The following KIF5C variants were observed in gnomAD, a reference collection of about 807,000 sequenced individuals.
KIF5C encodes the protein kinesin family member 5C.
A neutral mutation model predicts 125.2 loss-of-function variants in KIF5C; 18 were observed. That is an observed-to-expected ratio of 0.14 (90% CI 0.10 to 0.21). KIF5C has a LOEUF of 0.21. Ranked by LOEUF, KIF5C falls within the 10% of genes least tolerant of loss-of-function variation. The pLI, the probability that KIF5C is intolerant of heterozygous loss-of-function variation, is 1.00. For synonymous variants in KIF5C, 405 were observed against 434.0 expected (o/e 0.93, Z 0.83); for missense variants, 780 against 1,183.8 (o/e 0.66, Z 5.01).
At position 148,999,450 on chromosome 2, in the gene KIF5C, A is replaced by G. The variant is rs551058510; in HGVS notation, c.2210+941A>G. Among the ~76,000 whole-genome samples, 28 of 152,306 alleles carry G rather than the reference A, an allele frequency of 1.8e-4. No homozygotes were observed. In the South Asian group the frequency reaches 5.8e-3, roughly 32 times the overall value. ...TGTGTGTGAGCCGCTCGAAAGGTGCATTTGCATTTTAAAAGAGGAGAATGG... is the reference window on the plus strand; with the variant it reads ...TGTGTGTGAGCCGCTCGAAAGGTGCGTTTGCATTTTAAAAGAGGAGAATGG... On this transcript the variant is annotated intron_variant, in intron 19 of 25. Coordinates refer to ENST00000435030, the MANE Select transcript of KIF5C (RefSeq NM_004522.3).
chr2:148,957,959 C>T (rs1421540606), intron 10 of KIF5C, among the ~76,000 whole-genome samples: 3 of 150,870 alleles, frequency 2.0e-5, no homozygotes, highest in African/African-American at 7.5e-5. Flanking sequence ...TGAAATCACC[C>T]AGTACTGTTT....
chr2:148,913,091 T>G (rs541339128), intron 1 of KIF5C, among the ~76,000 whole-genome samples: 2 of 152,380 alleles, frequency 1.3e-5, no homozygotes, highest in South Asian at 4.1e-4. Context: ...AACATTTTCC[T>G]TGTAATTTAT....
At chr2:148,977,657 A>T (rs1025757184) in intron 12 of KIF5C, among the ~76,000 whole-genome samples, 2 of 152,230 alleles carry the variant, frequency 1.3e-5, no homozygotes, top group Admixed American at 1.3e-4. Flanking sequence ...TAAAGGGTTC[A>T]GTAGAAACAG....
intron 10 of KIF5C, among the ~76,000 whole-genome samples, chr2:148,952,774 C>A (rs1410996621): frequency 6.6e-6 from 1 of 152,120 alleles, no homozygotes; most frequent in Non-Finnish European, 1.5e-5. Flanking sequence ...CAGTTTTTAC[C>A]TAGCACAAGG....
intron 24 of KIF5C, among the ~76,000 whole-genome samples, chr2:149,011,138 T>C (rs1682181283): frequency 6.6e-6 from 1 of 152,198 alleles, no homozygotes; most frequent in African/African-American, 2.4e-5. Flanking sequence ...TAGTGGTTCA[T>C]TGCATGTGTA....
intron 1 of KIF5C, among the ~76,000 whole-genome samples, chr2:148,885,106 C>T (rs770561207): frequency 3.9e-5 from 6 of 152,056 alleles, no homozygotes; most frequent in Non-Finnish European, 7.4e-5. Context: ...AATTCTCAGC[C>T]TCCCTAGTAG....
chr2:148,947,548 C>G (rs1484286972), intron 8 of KIF5C: 3 of 230,188 alleles, frequency 1.3e-5, no homozygotes, highest in Non-Finnish European at 2.6e-5. Flanking sequence ...CCTTGGCTCT[C>G]TCATGAAGTG....
intron 25 of KIF5C, among the ~76,000 whole-genome samples, chr2:149,012,922 C>T (rs1458274551): frequency 6.6e-6 from 1 of 152,194 alleles, no homozygotes; most frequent in Non-Finnish European, 1.5e-5. Context: ...AGGCTGATAC[C>T]TGAAGGGAAC....
chr2:148,934,907 C>T (rs761711477), intron 3 of KIF5C: 54 of 236,050 alleles, frequency 2.3e-4, no homozygotes, highest in African/African-American at 1.1e-3. Flanking sequence ...CACACACACA[C>T]GTGCACACTC....
At chr2:148,953,654 G>A (rs868031036) in intron 10 of KIF5C, among the ~76,000 whole-genome samples, 1 of 152,284 alleles carries the variant, frequency 6.6e-6, no homozygotes, top group Middle Eastern at 3.4e-3. Context: ...GCAGCATGAG[G>A]TTCCTCCGTT....
intron 11 of KIF5C, 110 bp from the exon 12 acceptor site, chr2:148,973,226 T>C: frequency 7.0e-7 from 1 of 1,421,840 alleles, no homozygotes; most frequent in Non-Finnish European, 9.3e-7. Context: ...CAGCCCTTTA[T>C]TGTGTCTTCT....
rs1437949076 is a variant in KIF5C at position 149,024,703 on chromosome 2, A to G, written c.*1633A>G. 1.3e-5 allele frequency: 2 copies of G among 152,552 alleles called. No homozygotes were observed. Among genetic ancestry groups the G allele is most frequent in the East Asian group, 3.9e-4 (2 of 5,194 alleles). The allele number at this position is 152,552 out of a possible 1,614,324, so 9.4% of individuals were successfully genotyped here. On this transcript the variant is annotated 3_prime_UTR_variant, in exon 26 of 26. Coordinates refer to ENST00000435030, the MANE Select transcript of KIF5C (RefSeq NM_004522.3). ...TATGTATGTTTTGTTTTTGGTGGGG[A>G]ATAAGGAGAGAGAGGACGACAAATT... is the stretch of plus-strand genomic sequence containing the variant.
At chr2:148,947,133 A>G in intron 8 of KIF5C, 110 bp downstream of exon 8, 1 of 1,435,832 alleles carries the variant, frequency 7.0e-7, no homozygotes, top group Middle Eastern at 2.6e-4. Flanking sequence ...AGAGCTTTTA[A>G]AGTTTCTGAG....
chr2:149,011,046 T>A (rs1048454026), intron 24 of KIF5C, among the ~76,000 whole-genome samples: 7 of 152,272 alleles, frequency 4.6e-5, no homozygotes, highest in African/African-American at 1.7e-4. Context: ...TAACATGTAA[T>A]TTATTTCCCA....
At chr2:148,881,705 T>C (rs994896672) in intron 1 of KIF5C, among the ~76,000 whole-genome samples, 5 of 152,114 alleles carry the variant, frequency 3.3e-5, no homozygotes, top group Non-Finnish European at 4.4e-5. Context: ...TTGATTTCCC[T>C]TTAGTCCTTA....
In KIF5C at chr2:148,942,674, G is replaced by C. The variant is rs753992816; in HGVS notation, c.503G>C (p.Gly168Ala). 6.2e-7 allele frequency: 1 copy of C among 1,609,146 alleles called. No individual in the cohort carries two copies. Among genetic ancestry groups the C allele is most frequent in the Middle Eastern group, 1.6e-4 (1 of 6,062 alleles). ...GAACCTGAACTGATTCTCTTCCAGG[G>C]GTGCACTGAGCGGTTTGTGTCGAGC... is the stretch of plus-strand genomic sequence containing the variant. ...EDKNRVPYVK[G>A]CTERFVSSPE... Residue 168 changes from glycine (G) to alanine (A), a missense_variant and splice_region_variant, in exon 7 of 26, where the codon GGG (glycine) becomes GCG (alanine). This residue lies in a region of KIF5C where 207 missense variants were observed against 441.2 expected (regional missense o/e 0.47). Transcript: ENST00000435030.
Position 148,943,816 on chromosome 2 carries a change from C to G in KIF5C, c.589+1056C>G, listed in dbSNP as rs75725235. Among the ~76,000 whole-genome samples, 75 of 152,302 alleles carry G rather than the reference C, an allele frequency of 4.9e-4. No individual in the cohort carries two copies. In the East Asian group the frequency reaches 0.013, roughly 26 times the overall value. On this transcript the variant is annotated intron_variant, in intron 7 of 25. Coordinates refer to ENST00000435030, the MANE Select transcript of KIF5C (RefSeq NM_004522.3). ...GACTCTCTGATTCTGTGGTCCAGAACTGTAATTCTCAACATTTTCTCTATC... is the reference window on the plus strand; with the variant it reads ...GACTCTCTGATTCTGTGGTCCAGAAGTGTAATTCTCAACATTTTCTCTATC...
At chr2:148,994,615 G>C in intron 17 of KIF5C, 77 bp downstream of exon 17, 2 of 1,479,896 alleles carry the variant, frequency 1.4e-6, no homozygotes, top group East Asian at 5.1e-5. Flanking sequence ...GAATCATGAT[G>C]TTTAGTTTCG....
At chr2:149,015,044 C>T (rs1488771913) in intron 25 of KIF5C, among the ~76,000 whole-genome samples, 1 of 152,118 alleles carries the variant, frequency 6.6e-6, no homozygotes, top group African/African-American at 2.4e-5. Flanking sequence ...GAAAAATTAG[C>T]TGGGCGTAGA....
Sources: gnomAD v4.1 joint callset for allele counts (sites outside exome capture counted in the v4.1 genomes callset) on GRCh38, gnomAD v4.1.1 for gene constraint, gnomAD v4.1.1 regional missense constraint, MANE v1.5 for transcripts, NCBI Gene and HGNC (gene_info 2026-07-23, HGNC 2026-07-21) for gene names.